DDX6: variants seen among roughly 807,000 people sequenced by gnomAD.
DDX6 encodes probable ATP-dependent RNA helicase DDX6.
In DDX6, 7 loss-of-function variants were observed where a neutral mutation model predicts 60.6. The ratio of observed to expected loss-of-function variants is 0.12; its 90% confidence interval spans 0.07 to 0.22. The LOEUF is 0.22. Ranked by LOEUF, DDX6 falls within the 10% of genes least tolerant of loss-of-function variation. DDX6 has a pLI of 1.00. For missense variants in DDX6, 270 were observed against 589.9 expected (o/e 0.46, Z 5.62); for synonymous variants, 207 against 201.0 (o/e 1.03, Z -0.25).
Position 118,784,461 on chromosome 11 carries a change from G to GT in DDX6, c.200+1590dup, listed in dbSNP as rs34444218. On this transcript the variant is annotated intron_variant, in intron 2 of 13. Transcript: ENST00000534980. ...AGGGTTAAATTATTTTATATGGCAA[G>GT]TTTTTTTTTTTTTTTGAGATGGAGT... is the stretch of plus-strand genomic sequence containing the variant. Among the ~76,000 whole-genome samples, 777 of 142,410 alleles carry GT rather than the reference G, an allele frequency of 5.5e-3. 3 individuals carry two copies. The highest frequency in any genetic ancestry group is 0.02 in the South Asian group (89 of 4,466). The allele number at this position is 142,410 out of a possible 152,430, so 93.4% of individuals were successfully genotyped here.
Position 118,779,680 on chromosome 11 carries a change from T to C in DDX6, c.321A>G (p.Leu107=). Residue 107 remains leucine (L), a synonymous_variant, in exon 4 of 14, where the codon TTA becomes TTG. Transcript: ENST00000534980. ...AGCCCATTTCAAAAATTCCCATCAG[T>C]AACTCCCGTTTCAAACAGTAATCTT... ...EFEDYCLKRE[L]LMGIFEMGWE... 1 of 1,612,378 alleles carries C rather than the reference T, an allele frequency of 6.2e-7. No individual in the cohort carries two copies. Among genetic ancestry groups the C allele is most frequent in the African/African-American group, 1.3e-5 (1 of 75,030 alleles).
chr11:118,782,469 C>T (rs1315906982), intron 2 of DDX6, among the ~76,000 whole-genome samples: 2 of 151,724 alleles, frequency 1.3e-5, no homozygotes, highest in East Asian at 1.9e-4. Context: ...GTGACATCTT[C>T]GAAAAAGTTT....
chr11:118,751,884 T>TTCAG lies in DDX6; in HGVS notation c.*217_*220dup, dbSNP rs782410235. 6.8e-6 allele frequency: 3 copies of TTCAG among 440,034 alleles called. No individual in the cohort carries two copies. The highest frequency in any genetic ancestry group is 1.4e-5 in the Non-Finnish European group (3 of 220,180). 27.3% of individuals were successfully genotyped at this position (440,034 alleles called of 1,614,324 possible). On this transcript the variant is annotated 3_prime_UTR_variant, in exon 14 of 14. Coordinates refer to ENST00000534980, the MANE Select transcript of DDX6 (RefSeq NM_004397.6). Reference sequence around the variant, plus strand: ...AAACCAGCAGTTAGTGCAACTAATGTTCAGTCAGCACACAGTGCAAACAAG... The same window carrying TTCAG: ...AAACCAGCAGTTAGTGCAACTAATGTTCAGTCAGTCAGCACACAGTGCAAACAAG...
intron 4 of DDX6, among the ~76,000 whole-genome samples, chr11:118,777,379 T>C (rs575719982): frequency 2.0e-5 from 3 of 152,306 alleles, no homozygotes; most frequent in Non-Finnish European, 2.9e-5. Flanking sequence ...CATGTTTATA[T>C]GTACGTGTAT....
chr11:118,766,248 A>T (rs1292116025), intron 5 of DDX6, among the ~76,000 whole-genome samples: 3 of 150,912 alleles, frequency 2.0e-5, no homozygotes, highest in Admixed American at 2.0e-4. Flanking sequence ...GCAACATAGC[A>T]AGACCCCATC....
chr11:118,769,839 G>C (rs533097279), intron 4 of DDX6, among the ~76,000 whole-genome samples: 1 of 151,902 alleles, frequency 6.6e-6, no homozygotes, highest in East Asian at 1.9e-4. Flanking sequence ...TGAGTAGCTG[G>C]GACTACAGGT....
At position 118,775,723 on chromosome 11, in the gene DDX6, G is replaced by C. The variant is rs547498767; in HGVS notation, c.369+3909C>G. ...AAAAGCTGGATGTCAGATTGGTTAA[G>C]TGGCTGAAGAGTTAATTGCCTATAT... On this transcript the variant is annotated intron_variant, in intron 4 of 13. Coordinates refer to ENST00000534980, the MANE Select transcript of DDX6 (RefSeq NM_004397.6). Among the ~76,000 whole-genome samples, 11 of 152,352 alleles carry C rather than the reference G, an allele frequency of 7.2e-5. 1 individual carries two copies. The highest frequency in any genetic ancestry group is 2.6e-4 in the African/African-American group (11 of 41,574).
chr11:118,753,487 G>A (rs935730180), intron 13 of DDX6, among the ~76,000 whole-genome samples: 2 of 151,372 alleles, frequency 1.3e-5, no homozygotes, highest in African/African-American at 2.4e-5. Context: ...CTACAGGTGC[G>A]TGTCACCATG....
chr11:118,774,639 G>A (rs570691882), intron 4 of DDX6, among the ~76,000 whole-genome samples: 1 of 151,900 alleles, frequency 6.6e-6, no homozygotes, highest in African/African-American at 2.4e-5. Context: ...GTTTAGGCTG[G>A]TTTTGAACCC....
At chr11:118,776,787 C>T (rs782409288) in intron 4 of DDX6, among the ~76,000 whole-genome samples, 2 of 150,240 alleles carry the variant, frequency 1.3e-5, no homozygotes, top group Admixed American at 6.7e-5. Flanking sequence ...GAGTGGACAT[C>T]GCGCCACTGC....
intron 4 of DDX6, among the ~76,000 whole-genome samples, chr11:118,772,169 T>C (rs189617761): frequency 6.6e-6 from 1 of 152,330 alleles, no homozygotes; most frequent in Non-Finnish European, 1.5e-5. Context: ...CGGATGACAG[T>C]TGAGATCATT....
At chr11:118,758,426 T>G (rs549288806) in intron 9 of DDX6, among the ~76,000 whole-genome samples, 1 of 152,132 alleles carries the variant, frequency 6.6e-6, no homozygotes, top group South Asian at 2.1e-4. Flanking sequence ...AGAGCTGGAG[T>G]GCAATGGTGC....
In DDX6 at chr11:118,770,151, G is replaced by A. The variant is rs1308616180; in HGVS notation, c.370-1799C>T. Among the ~76,000 whole-genome samples the A allele has an allele frequency of 5.9e-5, 9 of 151,414 alleles. No homozygotes were observed. In the South Asian group the frequency reaches 8.3e-4, roughly 14 times the overall value. On this transcript the variant is annotated intron_variant, in intron 4 of 13. Coordinates refer to ENST00000534980, the MANE Select transcript of DDX6 (RefSeq NM_004397.6). ...GGCGATTCTCCTGCCTCAGCCTCCC[G>A]AGCAGCTTAGATTAACGGCGTGTGC... is the stretch of plus-strand genomic sequence containing the variant.
intron 4 of DDX6, among the ~76,000 whole-genome samples, chr11:118,773,874 A>AC (rs1861616002): frequency 6.6e-6 from 1 of 150,996 alleles, no homozygotes; most frequent in Non-Finnish European, 1.5e-5. Flanking sequence ...AAAAAAAAAA[A>AC]CAAAACAAAC....
At chr11:118,762,386 G>C (rs1288114040) in intron 7 of DDX6, among the ~76,000 whole-genome samples, 3 of 151,978 alleles carry the variant, frequency 2.0e-5, no homozygotes, top group Admixed American at 2.0e-4. Context: ...ACTTACAATG[G>C]GATTATGTTC....
At position 118,760,690 on chromosome 11, in the gene DDX6, A is replaced by T. The variant is rs185214393; in HGVS notation, c.742-646T>A. 3.2e-4 allele frequency among the ~76,000 whole-genome samples: 48 copies of T among 152,052 alleles called. 1 individual carries two copies. In the East Asian group the frequency reaches 9.1e-3, roughly 29 times the overall value. On this transcript the variant is annotated intron_variant, in intron 7 of 13. Coordinates refer to ENST00000534980, the MANE Select transcript of DDX6 (RefSeq NM_004397.6). The stretch of plus-strand genomic sequence containing the variant: ...ACAAAAATTAGCTGGACGTGGTGGT[A>T]CGCACCTATAATCCCAGGTACTCGG...
At chr11:118,772,972 T>C (rs992760375) in intron 4 of DDX6, among the ~76,000 whole-genome samples, 2 of 152,208 alleles carry the variant, frequency 1.3e-5, no homozygotes, top group African/African-American at 2.4e-5. Context: ...AGTGCATCCA[T>C]TACAGCTTCC....
At chr11:118,753,336 CTTTTTTTT>C (rs34191912) in intron 13 of DDX6, among the ~76,000 whole-genome samples, 8 of 67,400 alleles carry the variant, frequency 1.2e-4, no homozygotes, top group African/African-American at 3.6e-4. Flanking sequence ...GCCCAAGTGG[CTTTTTTTT>C]TTTTTTTTTT....
chr11:118,768,090 G>GA, intron 5 of DDX6, 133 bp downstream of exon 5: 2 of 909,240 alleles, frequency 2.2e-6, no homozygotes, highest in South Asian at 2.3e-5. Context: ...GCTAAAAAAA[G>GA]AAAAAACCTG....
Sources: gnomAD v4.1 joint callset for allele counts (sites outside exome capture counted in the v4.1 genomes callset) on GRCh38, gnomAD v4.1.1 for gene constraint, MANE v1.5 for transcripts, NCBI Gene and HGNC (gene_info 2026-07-23, HGNC 2026-07-21) for gene names.